The following EIF4EBP2 variants were observed in gnomAD, a reference collection of about 807,000 sequenced individuals.
EIF4EBP2 encodes the protein eukaryotic translation initiation factor 4E-binding protein 2.
EIF4EBP2 carries 5 observed loss-of-function variants against 10.3 expected under a neutral mutation model. That is an observed-to-expected ratio of 0.48 (90% confidence interval 0.25 to 1.02). The LOEUF (loss-of-function observed/expected upper bound fraction) is 1.02. EIF4EBP2 is among the 50% of genes least tolerant of loss of function. The pLI, the probability that EIF4EBP2 is intolerant of heterozygous loss-of-function variation, is 0.15. For missense variants in EIF4EBP2, 188 were observed against 162.2 expected, an observed-to-expected ratio of 1.16 and a Z score of -0.86; for synonymous variants, 67 against 61.1, an observed-to-expected ratio of 1.10 and a Z score of -0.45.
Position 70,404,365 on chromosome 10 carries a change from G to C in EIF4EBP2, c.-37G>C. The C allele has an allele frequency of 6.6e-7, 1 of 1,509,314 alleles. No individual in the cohort carries two copies. Among genetic ancestry groups the C allele is most frequent in the African/African-American group, 1.5e-5 (1 of 68,626 alleles). The allele number at this position is 1,509,314 out of a possible 1,614,324, so 93.5% of individuals were successfully genotyped here. On this transcript the variant is annotated 5_prime_UTR_variant, in exon 1 of 3. Coordinates refer to ENST00000373218, the MANE Select transcript of EIF4EBP2 (RefSeq NM_004096.5). ...AGCCCCGGCCCCGCCGCCGCCGCCT[G>C]CCCGCCGGACAAAGCCGAGAGCCCG...
chr10:70,407,333 C>T (rs1418100188), intron 1 of EIF4EBP2, among the ~76,000 whole-genome samples: 2 of 152,092 alleles, frequency 1.3e-5, no homozygotes, highest in South Asian at 2.1e-4. Flanking sequence ...AGCACGCTGC[C>T]TTCAAGCATC....
At chr10:70,408,591 C>T (rs180694768) in intron 1 of EIF4EBP2, among the ~76,000 whole-genome samples, 1 of 152,318 alleles carries the variant, frequency 6.6e-6, no homozygotes, top group East Asian at 1.9e-4. Flanking sequence ...TCATCTTCCT[C>T]TCATCATGTA....
intron 1 of EIF4EBP2, among the ~76,000 whole-genome samples, chr10:70,411,463 G>T (rs2137226238): frequency 6.6e-6 from 1 of 151,500 alleles, no homozygotes; most frequent in South Asian, 2.1e-4. Flanking sequence ...AGTCTTACTG[G>T]CCACACAACA....
In EIF4EBP2 at chr10:70,425,054, C is replaced by T. The variant is rs1216177218; in HGVS notation, c.*3307C>T. 2 of 152,230 alleles carry T rather than the reference C, an allele frequency of 1.3e-5. No homozygotes were observed. The highest frequency in any genetic ancestry group is 2.9e-5 in the Non-Finnish European group (2 of 68,040). The allele number at this position is 152,230 out of a possible 1,614,324, so 9.4% of individuals were successfully genotyped here. On this transcript the variant is annotated 3_prime_UTR_variant, in exon 3 of 3. Coordinates refer to ENST00000373218, the MANE Select transcript of EIF4EBP2 (RefSeq NM_004096.5). ...TCTGGCCCATGGTATCATGAAGTTA[C>T]AGTCAAGATTGAACAGGGGCTGCAG...
chr10:70,415,334 G>T (rs1277956185), intron 1 of EIF4EBP2, among the ~76,000 whole-genome samples: 1 of 152,136 alleles, frequency 6.6e-6, no homozygotes, highest in Non-Finnish European at 1.5e-5. Context: ...GGTGGCCATG[G>T]ATCAGAAGAC....
At chr10:70,408,311 G>A (rs1255533656) in intron 1 of EIF4EBP2, among the ~76,000 whole-genome samples, 4 of 152,182 alleles carry the variant, frequency 2.6e-5, no homozygotes, top group Admixed American at 6.5e-5. Context: ...CCTCCCGGAC[G>A]GGGCGGCTTA....
intron 1 of EIF4EBP2, among the ~76,000 whole-genome samples, chr10:70,413,559 G>T (rs528070427): frequency 8.9e-4 from 124 of 138,548 alleles, no homozygotes; most frequent in Middle Eastern, 4.4e-3. Flanking sequence ...AGTAAGCCGT[G>T]ATCATGCCAC....
At chr10:70,415,174 AAAAG>A (rs1589147406) in intron 1 of EIF4EBP2, among the ~76,000 whole-genome samples, 1 of 151,248 alleles carries the variant, frequency 6.6e-6, no homozygotes, top group African/African-American at 2.4e-5. Context: ...AAAAAAAAAG[AAAAG>A]AAAAAGAAAG....
chr10:70,417,731 A>G (rs1845112194), intron 1 of EIF4EBP2, among the ~76,000 whole-genome samples: 1 of 152,188 alleles, frequency 6.6e-6, no homozygotes, highest in Non-Finnish European at 1.5e-5. Context: ...AGCTTGATGT[A>G]CTACAGAAGT....
In EIF4EBP2 at chr10:70,422,011, C is replaced by T; in HGVS notation, c.*264C>T. The T allele has an allele frequency of 2.3e-6, 1 of 442,348 alleles. No individual in the cohort carries two copies. The highest frequency in any genetic ancestry group is 4.0e-6 in the Non-Finnish European group (1 of 246,934). 27.4% of individuals were successfully genotyped at this position (442,348 alleles called of 1,614,324 possible). Reference sequence around the variant, plus strand: ...CTGTATTTCTGTAGAGCTAAGCAGCCCTTAGAGGAAAACAGTTCAACTCTG... The same window carrying T: ...CTGTATTTCTGTAGAGCTAAGCAGCTCTTAGAGGAAAACAGTTCAACTCTG... On this transcript the variant is annotated 3_prime_UTR_variant, in exon 3 of 3. Transcript: ENST00000373218.
chr10:70,417,172 A>G (rs1845106530), intron 1 of EIF4EBP2, among the ~76,000 whole-genome samples: 1 of 152,242 alleles, frequency 6.6e-6, no homozygotes, highest in African/African-American at 2.4e-5. Flanking sequence ...ATGAAAAAGA[A>G]ATGAGGTACT....
Position 70,423,368 on chromosome 10 carries a change from C to G in EIF4EBP2, c.*1621C>G, listed in dbSNP as rs1030137122. 4 of 152,522 alleles carry G rather than the reference C, an allele frequency of 2.6e-5. No individual in the cohort carries two copies. Among genetic ancestry groups the G allele is most frequent in the African/African-American group, 7.2e-5 (3 of 41,388 alleles). 9.4% of individuals were successfully genotyped at this position (152,522 alleles called of 1,614,324 possible). A position where few individuals can be genotyped will look rare whatever the true frequency, so the allele number is the denominator to read the frequency against. On this transcript the variant is annotated 3_prime_UTR_variant, in exon 3 of 3. Transcript: ENST00000373218. ...CCATTCTGCCTTGCTATGGGTTGTT[C>G]AAGAAAGCCTCATTCTTTTCTGTGA...
In EIF4EBP2 at chr10:70,404,476, C is replaced by T. The variant is rs992220665; in HGVS notation, c.75C>T (p.Ser25=). Residue 25 remains serine (S), a synonymous_variant, in exon 1 of 3, where the codon AGC becomes AGT. Transcript: ENST00000373218. ...TCCCCACCCGCACCGTGGCCATCAG[C>T]GACGCCGCGCAGCTACCTCATGACT... ...RAIPTRTVAI[S]DAAQLPHDYC... is the part of the protein sequence containing the mutation. 6.3e-7 allele frequency: 1 copy of T among 1,599,776 alleles called. No individual in the cohort carries two copies. Among genetic ancestry groups the T allele is most frequent in the Non-Finnish European group, 8.5e-7 (1 of 1,175,342 alleles).
At chr10:70,408,490 T>C (rs1845007504) in intron 1 of EIF4EBP2, among the ~76,000 whole-genome samples, 2 of 152,240 alleles carry the variant, frequency 1.3e-5, no homozygotes, top group Admixed American at 1.3e-4. Flanking sequence ...TTGGATTTAA[T>C]CACTATTACA....
At chr10:70,411,344 G>T (rs1275578414) in intron 1 of EIF4EBP2, among the ~76,000 whole-genome samples, 3 of 151,692 alleles carry the variant, frequency 2.0e-5, no homozygotes, top group Non-Finnish European at 4.4e-5. Flanking sequence ...TTTCGTAAAT[G>T]AACATTCATC....
intron 1 of EIF4EBP2, among the ~76,000 whole-genome samples, chr10:70,409,490 T>G (rs1011004262): frequency 1.3e-5 from 2 of 152,174 alleles, no homozygotes; most frequent in African/African-American, 4.8e-5. Flanking sequence ...CCCAGAGAAG[T>G]TAAGTAACTT....
chr10:70,410,054 A>G (rs1845027966), intron 1 of EIF4EBP2, among the ~76,000 whole-genome samples: 1 of 152,094 alleles, frequency 6.6e-6, no homozygotes, highest in African/African-American at 2.4e-5. Context: ...ATTGGGGGTG[A>G]AGGGAGCTGC....
intron 1 of EIF4EBP2, among the ~76,000 whole-genome samples, chr10:70,416,658 T>G (rs1327373832): frequency 9.9e-6 from 1 of 100,788 alleles, no homozygotes; most frequent in Admixed American, 1.6e-4. Context: ...TCTACCTTAA[T>G]TTTTTAATTT....
rs1039715049 is a variant in EIF4EBP2 at position 70,422,014 on chromosome 10, T to A, written c.*267T>A. On this transcript the variant is annotated 3_prime_UTR_variant, in exon 3 of 3. Coordinates refer to ENST00000373218, the MANE Select transcript of EIF4EBP2 (RefSeq NM_004096.5). ...TATTTCTGTAGAGCTAAGCAGCCCT[T>A]AGAGGAAAACAGTTCAACTCTGACT... 3 of 440,614 alleles carry A rather than the reference T, an allele frequency of 6.8e-6. No homozygotes were observed. Among genetic ancestry groups the A allele is most frequent in the Non-Finnish European group, 1.2e-5 (3 of 245,824 alleles). The allele number at this position is 440,614 out of a possible 1,614,324, so 27.3% of individuals were successfully genotyped here.
Sources: allele counts gnomAD v4.1 joint callset (sites outside exome capture counted in the v4.1 genomes callset), GRCh38; gene constraint gnomAD v4.1.1; transcripts MANE v1.5; gene names NCBI Gene and HGNC (gene_info 2026-07-23, HGNC 2026-07-21).